DIS3L2: variants seen among roughly 807,000 people sequenced by gnomAD.
DIS3L2 encodes DIS3 like 3'-5' exoribonuclease 2.
DIS3L2 carries 34 observed loss-of-function variants against 97.5 expected under a neutral mutation model. The ratio of observed to expected loss-of-function variants is 0.35; its 90% CI spans 0.27 to 0.46. The LOEUF (loss-of-function observed/expected upper bound fraction) is 0.46. Ranked by LOEUF, DIS3L2 falls within the 20% of genes least tolerant of loss-of-function variation. DIS3L2 has a pLI of 1.00. For synonymous variants in DIS3L2, 435 were observed against 445.2 expected (o/e 0.98, Z 0.29); for missense variants, 1,038 against 1,146.0 (o/e 0.91, Z 1.36).
chr2:232,116,389 CTTTAAGG>C (rs1697712915), intron 6 of DIS3L2, among the ~76,000 whole-genome samples: 2 of 152,168 alleles, frequency 1.3e-5, no homozygotes, highest in African/African-American at 4.8e-5. Flanking sequence ...TTACCCGTGT[CTTTAAGG>C]TTTATGTATT....
At chr2:231,996,695 A>G (rs1300715875) in intron 1 of DIS3L2, among the ~76,000 whole-genome samples, 1 of 152,230 alleles carries the variant, frequency 6.6e-6, no homozygotes, top group Non-Finnish European at 1.5e-5. Context: ...TATCTTAACT[A>G]TGCAATGTGA....
rs940324945 is a variant in DIS3L2 at position 232,281,002 on chromosome 2, C to A, written c.1659+17562C>A. On this transcript the variant is annotated intron_variant, in intron 13 of 20. Coordinates refer to ENST00000325385, the MANE Select transcript of DIS3L2 (RefSeq NM_152383.5). This position sits in a 1 kb window ranked among gnomAD's most constrained non-coding sequence, Gnocchi z 4.1. ...GTTGGTTTGTTCTGGAATGTACAGG[C>A]CATTGGTGTGGCTGTGTCAGAGGAA... Among the ~76,000 whole-genome samples, 3 of 152,112 alleles carry A rather than the reference C, an allele frequency of 2.0e-5. No homozygotes were observed. Among genetic ancestry groups the A allele is most frequent in the African/African-American group, 7.2e-5 (3 of 41,406 alleles).
intron 6 of DIS3L2, among the ~76,000 whole-genome samples, chr2:232,120,661 T>G (rs1249312972): frequency 6.6e-6 from 1 of 152,176 alleles, no homozygotes; most frequent in Non-Finnish European, 1.5e-5. Context: ...CTGCACATAG[T>G]GGGTCTTCTC....
At chr2:232,035,956 T>C (rs1351620878) in intron 5 of DIS3L2, among the ~76,000 whole-genome samples, 1 of 151,102 alleles carries the variant, frequency 6.6e-6, no homozygotes, top group African/African-American at 2.4e-5. Flanking sequence ...TTCAACCTTT[T>C]TCCTTAATTT....
chr2:232,074,180 A>G (rs1305437957), intron 5 of DIS3L2, among the ~76,000 whole-genome samples: 2 of 152,194 alleles, frequency 1.3e-5, no homozygotes, highest in African/African-American at 4.8e-5. Context: ...ATTCATTTGC[A>G]TTTATTTATC....
intron 10 of DIS3L2, among the ~76,000 whole-genome samples, chr2:232,227,681 CA>C (rs1692685991): frequency 1.3e-5 from 2 of 152,130 alleles, no homozygotes; most frequent in East Asian, 3.9e-4. Context: ...AATAATAACC[CA>C]AAAGGTATCT....
intron 6 of DIS3L2, among the ~76,000 whole-genome samples, chr2:232,096,992 G>C (rs1388653541): frequency 4.6e-5 from 7 of 152,184 alleles, no homozygotes; most frequent in Non-Finnish European, 1.0e-4. Context: ...GTTCATCGGT[G>C]TCTGGACATT....
At position 232,329,837 on chromosome 2, in the gene DIS3L2, GGC is replaced by G; in HGVS notation, c.1765_1766del (p.Ala589GlnfsTer31). On this transcript the variant is annotated frameshift_variant, in exon 15 of 21. Transcript: ENST00000325385. LOFTEE classifies it high-confidence loss of function. ...GGCTCGTGGAGGAGTTCATGCTCTT[GGC>G]CAACATGGCAGTGGCCCACAAGATC... ...NKLVEEFMLLANMAVAHKIHR... is the reference protein window; with the variant it reads ...NKLVEEFMLLXNMAVAHKIHR... 2 of 1,382,766 alleles carry G rather than the reference GGC, an allele frequency of 1.4e-6. No individual in the cohort carries two copies. The highest frequency in any genetic ancestry group is 1.9e-6 in the Non-Finnish European group (2 of 1,045,690). 85.7% of individuals were successfully genotyped at this position (1,382,766 alleles called of 1,614,324 possible). A position where few individuals can be genotyped will look rare whatever the true frequency, so the allele number is the denominator to read the frequency against.
rs956486214 is a variant in DIS3L2, at chr2:232,324,949, C to T, written c.1740-4864C>T. ...AGAGGGGAGGGACACCCCCCAACCC[C>T]TACCACCTGCCAGACAGGACCTTCC... On this transcript the variant is annotated intron_variant, in intron 14 of 20. Transcript: ENST00000325385. Among the ~76,000 whole-genome samples the T allele has an allele frequency of 3.3e-5, 5 of 152,316 alleles. No individual in the cohort carries two copies. In the East Asian group the frequency reaches 7.7e-4, roughly 24 times the overall value.
At chr2:232,236,001 T>A (rs1004209615) in intron 10 of DIS3L2, among the ~76,000 whole-genome samples, 2 of 152,214 alleles carry the variant, frequency 1.3e-5, no homozygotes, top group East Asian at 3.8e-4. Flanking sequence ...AGATCTGTTA[T>A]GTTACCCCAT....
intron 1 of DIS3L2, among the ~76,000 whole-genome samples, chr2:231,966,231 C>T (rs7606688): frequency 0.1 from 15,066 of 145,252 alleles, 850 homozygotes; most frequent in African/African-American, 0.16. Context: ...TGCAGTGGCA[C>T]GATCTCAGCT....
At chr2:231,995,216 C>A (rs1267532246) in intron 1 of DIS3L2, among the ~76,000 whole-genome samples, 1 of 152,056 alleles carries the variant, frequency 6.6e-6, no homozygotes, top group African/African-American at 2.4e-5. Context: ...TCCTTATGTG[C>A]TTTGTAAGCA....
chr2:232,106,383 A>G (rs988893079), intron 6 of DIS3L2, among the ~76,000 whole-genome samples: 5 of 152,216 alleles, frequency 3.3e-5, no homozygotes, highest in African/African-American at 1.2e-4. Flanking sequence ...TACCAAGCAA[A>G]TGGAAAACAG....
At chr2:232,017,189 C>T (rs1046867043) in intron 3 of DIS3L2, among the ~76,000 whole-genome samples, 7 of 151,938 alleles carry the variant, frequency 4.6e-5, no homozygotes, top group African/African-American at 9.7e-5. Flanking sequence ...TGGATTCAAG[C>T]GATTCTTGTG....
chr2:232,280,706 A>C (rs1162081426), intron 13 of DIS3L2, among the ~76,000 whole-genome samples: 2 of 152,180 alleles, frequency 1.3e-5, no homozygotes, highest in Non-Finnish European at 2.9e-5. Context: ...GTTTGATGGA[A>C]ATCTGTGAGA....
At chr2:232,287,030 G>A (rs556811823) in intron 13 of DIS3L2, among the ~76,000 whole-genome samples, 2 of 152,212 alleles carry the variant, frequency 1.3e-5, no homozygotes, top group South Asian at 4.1e-4. Context: ...CAGAAAGGTG[G>A]AAGCAAGAGC....
intron 5 of DIS3L2, among the ~76,000 whole-genome samples, chr2:232,039,538 A>G (rs1421700831): frequency 6.6e-6 from 1 of 152,188 alleles, no homozygotes; most frequent in African/African-American, 2.4e-5. Flanking sequence ...ATTTCACAGC[A>G]TGATTTTTGG....
At chr2:232,041,733 C>T (rs763407128) in intron 5 of DIS3L2, among the ~76,000 whole-genome samples, 1 of 152,168 alleles carries the variant, frequency 6.6e-6, no homozygotes, top group Non-Finnish European at 1.5e-5. Context: ...GATACAGAAC[C>T]TAACTAGCAA....
At chr2:232,005,293 T>C (rs1250315824) in intron 1 of DIS3L2, among the ~76,000 whole-genome samples, 1 of 152,028 alleles carries the variant, frequency 6.6e-6, no homozygotes, top group East Asian at 1.9e-4. Context: ...TTAAATCTCA[T>C]TTGAAATTTT....
Sources: allele counts gnomAD v4.1 joint callset (sites outside exome capture counted in the v4.1 genomes callset), GRCh38; gene constraint gnomAD v4.1.1; non-coding constraint Gnocchi (gnomAD v3.1); transcripts MANE v1.5; gene names NCBI Gene and HGNC (gene_info 2026-07-23, HGNC 2026-07-21).